Variants in FDPS observed in about 807,000 individuals in gnomAD.
FDPS encodes farnesyl diphosphate synthase, also known as farnesyl pyrophosphate synthase.
Under a neutral mutation model 49.5 loss-of-function variants are expected in FDPS, and 29 were observed. The ratio of observed to expected loss-of-function variants is 0.59; its 90% confidence interval spans 0.44 to 0.80. The LOEUF (loss-of-function observed/expected upper bound fraction) is 0.80. FDPS is among the 30% of genes least tolerant of loss of function. The probability of loss-of-function intolerance (pLI) is 0.00; values close to 1 mark genes in which losing one functional copy is unlikely to be tolerated. For synonymous variants in FDPS, 172 were observed against 206.4 expected, an observed-to-expected ratio of 0.83 and a Z score of 1.43; for missense variants, 414 against 525.6, an observed-to-expected ratio of 0.79 and a Z score of 2.08.
chr1:155,320,299 G>A (rs753702388), intron 10 of FDPS, 110 bp from the exon 11 acceptor site: 2 of 885,016 alleles, frequency 2.3e-6, no homozygotes, highest in Admixed American at 2.2e-5. Context: ...GGGAGGAAAG[G>A]AGTGGGTGGC....
intron 4 of FDPS, 157 bp downstream of exon 4, chr1:155,312,552 T>C: frequency 1.4e-6 from 1 of 730,514 alleles, no homozygotes; most frequent in Non-Finnish European, 2.2e-6. Flanking sequence ...ACTCCAAGGG[T>C]TAACTAATGT....
At chr1:155,317,249 G>GGAA (rs1649556138) in intron 4 of FDPS, 1 of 152,196 alleles carries the variant, frequency 6.6e-6, no homozygotes, top group East Asian at 1.9e-4. Context: ...GAAGTAATGT[G>GGAA]AAGTCAGTTT....
In FDPS at chr1:155,309,895, G is replaced by C. The variant is rs746782056; in HGVS notation, c.106G>C (p.Val36Leu). 4 of 1,596,244 alleles carry C rather than the reference G, an allele frequency of 2.5e-6. No homozygotes were observed. In the African/African-American group the frequency reaches 4.0e-5, roughly 16 times the overall value. The change falls in exon 2 of 11, where the codon GTG (valine) becomes CTG (leucine). Residue 36 changes from valine (V) to leucine (L), a missense_variant. Coordinates refer to ENST00000368356, the MANE Select transcript of FDPS (RefSeq NM_002004.4). ...GGGTTCCCTACGGCGGCCCTCCCTGGTGCACGGGTACCCAGTCCTGGCCTG... is the reference window on the plus strand; with the variant it reads ...GGGTTCCCTACGGCGGCCCTCCCTGCTGCACGGGTACCCAGTCCTGGCCTG... ...WLGSLRRPSLVHGYPVLAWHS... is the reference protein window; with the variant it reads ...WLGSLRRPSLLHGYPVLAWHS...
chr1:155,317,711 G>C (rs1042136843), intron 4 of FDPS: 13 of 461,476 alleles, frequency 2.8e-5, no homozygotes, highest in Non-Finnish European at 4.2e-5. Context: ...CAGGCATGGG[G>C]TATGTGCCTA....
chr1:155,316,552 C>T (rs920629344), intron 4 of FDPS, among the ~76,000 whole-genome samples: 1 of 151,710 alleles, frequency 6.6e-6, no homozygotes, highest in Non-Finnish European at 1.5e-5. Context: ...CCGAGGCAGG[C>T]GGATCACTTG....
chr1:155,316,208 T>C (rs1649384548), intron 4 of FDPS, among the ~76,000 whole-genome samples: 1 of 151,468 alleles, frequency 6.6e-6, no homozygotes. Context: ...TGAGCCGAGA[T>C]TGCGCCATTG....
At chr1:155,319,064 T>C in intron 8 of FDPS, 136 bp downstream of exon 8, 1 of 680,960 alleles carries the variant, frequency 1.5e-6, no homozygotes, top group South Asian at 1.7e-5. Context: ...TCGCTCAGTC[T>C]CTTTCCTCAG....
At chr1:155,317,233 A>G (rs1485861793) in intron 4 of FDPS, 2 of 152,190 alleles carry the variant, frequency 1.3e-5, no homozygotes, top group Non-Finnish European at 2.9e-5. Context: ...GCCTTCTTTT[A>G]TTTAGGAAGT....
Position 155,309,975 on chromosome 1 carries a change from G to A in FDPS, c.176+10G>A, listed in dbSNP as rs778539781. On this transcript the variant is annotated intron_variant, in intron 2 of 10. Transcript: ENST00000368356. ...GGACAGAGGAACCTCGGTGAGTGTG[G>A]TTGGGGTGAGGGGCCTTGGGGAGGG... The A allele has an allele frequency of 8.1e-6, 13 of 1,609,792 alleles. No homozygotes were observed. Among genetic ancestry groups the A allele is most frequent in the Non-Finnish European group, 1.1e-5 (13 of 1,177,186 alleles).
chr1:155,315,736 A>T (rs1372458452), intron 4 of FDPS, among the ~76,000 whole-genome samples: 1 of 151,898 alleles, frequency 6.6e-6, no homozygotes, highest in Non-Finnish European at 1.5e-5. Context: ...GCGTGGAGGC[A>T]CATGCCTATA....
chr1:155,317,946 A>G lies in FDPS; in HGVS notation c.486A>G (p.Gln162=), dbSNP rs758451788. The G allele has an allele frequency of 3.7e-6, 6 of 1,612,502 alleles. No homozygotes were observed. The highest frequency in any genetic ancestry group is 3.3e-5 in the Admixed American group (2 of 60,004). Residue 162 remains glutamine (Q), a synonymous_variant, in exon 5 of 11, where the codon CAA becomes CAG. Coordinates refer to ENST00000368356, the MANE Select transcript of FDPS (RefSeq NM_002004.4). ...TCTTATTCCACTCTTTCTAGCTGCAAGCTTTCTTCCTGGTGGCAGATGACA... is the reference window on the plus strand; with the variant it reads ...TCTTATTCCACTCTTTCTAGCTGCAGGCTTTCTTCCTGGTGGCAGATGACA... ...WTVGWCVELL[Q]AFFLVADDIM...
intron 8 of FDPS, 120 bp downstream of exon 8, chr1:155,319,048 T>C: frequency 1.4e-6 from 1 of 734,322 alleles, no homozygotes; most frequent in Non-Finnish European, 2.4e-6. Context: ...CTTGAGCAAG[T>C]CGGTCTCGCT....
intron 3 of FDPS, among the ~76,000 whole-genome samples, chr1:155,311,926 C>T (rs562104254): frequency 1.3e-5 from 2 of 151,400 alleles, no homozygotes; most frequent in South Asian, 2.1e-4. Flanking sequence ...GAGCCAAGAT[C>T]GTGCCACTGC....
chr1:155,310,752 C>T (rs1442217180), intron 3 of FDPS, among the ~76,000 whole-genome samples: 1 of 152,098 alleles, frequency 6.6e-6, no homozygotes. Context: ...GGGGTGGAGG[C>T]CTTGAACCTG....
Position 155,309,828 on chromosome 1 carries a change from C to T in FDPS, c.39C>T (p.Phe13=). The T allele has an allele frequency of 6.3e-7, 1 of 1,576,346 alleles. No homozygotes were observed. The highest frequency in any genetic ancestry group is 8.6e-7 in the Non-Finnish European group (1 of 1,157,290). Residue 13 remains phenylalanine, a synonymous_variant, in exon 2 of 11, where the codon TTC becomes TTT. Transcript: ENST00000368356. ...GCTGGTTGAGATCTGTGGGGGTCTTCCTGCTGCCAGCCCCCTACTGGGCAC... is the reference window on the plus strand; with the variant it reads ...GCTGGTTGAGATCTGTGGGGGTCTTTCTGCTGCCAGCCCCCTACTGGGCAC... ...LSRWLRSVGV[F]LLPAPYWAPR... is the part of the protein sequence containing the mutation.
chr1:155,309,170 CG>C (rs1293734939), intron 1 of FDPS: 2 of 152,598 alleles, frequency 1.3e-5, no homozygotes, highest in Admixed American at 6.5e-5. Flanking sequence ...GCCCGGACCC[CG>C]GTTTACTCCT....
At chr1:155,311,135 C>T (rs991061730) in intron 3 of FDPS, among the ~76,000 whole-genome samples, 2 of 151,896 alleles carry the variant, frequency 1.3e-5, no homozygotes, top group Middle Eastern at 3.2e-3. Flanking sequence ...GTCAGGAGTT[C>T]GAGACCAGCC....
In FDPS at chr1:155,319,655, C is replaced by G; in HGVS notation, c.891C>G (p.Ile297Met). Residue 297 changes from isoleucine (I) to methionine (M), a missense_variant, in exon 9 of 11, where the codon ATC (isoleucine) becomes ATG (methionine). Ile to Met is a conservative substitution (Grantham distance 10). Transcript: ENST00000368356. ...AGGAGCACGCCAATGCCAAGAAGAT[C>G]CTGCTGGAGATGGGGGAGTTCTTTC... ...GEKEHANAKKILLEMGEFFQI... is the reference protein window; with the variant it reads ...GEKEHANAKKMLLEMGEFFQI... The G allele has an allele frequency of 5.0e-6, 8 of 1,614,238 alleles. No homozygotes were observed. The highest frequency in any genetic ancestry group is 5.9e-6 in the Non-Finnish European group (7 of 1,180,056).
At chr1:155,314,973 A>G (rs965121698) in intron 4 of FDPS, among the ~76,000 whole-genome samples, 3 of 152,140 alleles carry the variant, frequency 2.0e-5, no homozygotes, top group African/African-American at 7.2e-5. Context: ...GGGTGGCTTC[A>G]GGGAAACCAT....
Sources: allele counts gnomAD v4.1 joint callset (sites outside exome capture counted in the v4.1 genomes callset), GRCh38; gene constraint gnomAD v4.1.1; transcripts MANE v1.5; gene names NCBI Gene and HGNC (gene_info 2026-07-23, HGNC 2026-07-21).